Variants in NDST3 observed in about 807,000 individuals in gnomAD.
NDST3 encodes the protein N-deacetylase and N-sulfotransferase 3, also known as bifunctional heparan sulfate N-deacetylase/N-sulfotransferase 3.
NDST3 carries 58 observed loss-of-function variants against 96.1 expected under a neutral mutation model. The ratio of observed to expected loss-of-function variants is 0.60; its 90% CI spans 0.49 to 0.75. The LOEUF is 0.75. NDST3 is among the 30% of genes least tolerant of loss of function. NDST3 has a pLI of 0.00. For missense variants in NDST3, 788 were observed against 1,034.2 expected, an observed-to-expected ratio of 0.76 and a Z score of 3.27; for synonymous variants, 333 against 359.7, an observed-to-expected ratio of 0.93 and a Z score of 0.84.
rs370369153 is a variant in NDST3 at position 118,211,194 on chromosome 4, A to C, written c.1540-13297A>C. Among the ~76,000 whole-genome samples the C allele has an allele frequency of 4.4e-4, 67 of 152,324 alleles. 1 individual carries two copies. In the South Asian group the frequency reaches 0.013, roughly 30 times the overall value. ...CCAAAAGATTTAAACTACTAAATCAAGACTTAAAGCTACATGGCAACTTTC... is the reference window on the plus strand; with the variant it reads ...CCAAAAGATTTAAACTACTAAATCACGACTTAAAGCTACATGGCAACTTTC... On this transcript the variant is annotated intron_variant, in intron 6 of 13. Transcript: ENST00000296499.
At chr4:118,083,127 A>G (rs555542899) in intron 2 of NDST3, among the ~76,000 whole-genome samples, 54 of 152,284 alleles carry the variant, frequency 3.5e-4, no homozygotes, top group African/African-American at 1.2e-3. Context: ...AAGTACCATG[A>G]ATTATTTTAA....
Position 118,138,110 on chromosome 4 carries a change from C to G in NDST3, c.1281C>G (p.Val427=). The part of the protein sequence containing the change: ...GYAVAPHHSG[V]YPVHVQLYEA... ...CTGTGGCCCCTCACCATTCGGGCGT[C>G]TACCCTGTACATGTTCAGCTTTATG... Residue 427 remains valine, a synonymous_variant, in exon 5 of 14, where the codon GTC becomes GTG. Coordinates refer to ENST00000296499, the MANE Select transcript of NDST3 (RefSeq NM_004784.3). 6.2e-7 allele frequency: 1 copy of G among 1,613,574 alleles called. No homozygotes were observed.
Position 118,255,674 on chromosome 4 carries a change from C to T in NDST3, c.2584C>T (p.Pro862Ser). ...GCTGCACAAACTGGGTCAGCCTCTG[C>T]CATCCTGGCTGAGACAGGAGCTGCA... is the stretch of plus-strand genomic sequence containing the variant. ...KLLHKLGQPL[P>S]SWLRQELQKV... Residue 862 changes from proline (P) to serine (S), a missense_variant, in exon 14 of 14, where the codon CCA becomes TCA. Physicochemically the swap from Pro to Ser is moderately conservative, Grantham distance 74. Around this residue, in one of 3 missense-constraint regions of NDST3, gnomAD observed 64 missense variants for 68.5 expected, o/e 0.93. Coordinates refer to ENST00000296499, the MANE Select transcript of NDST3 (RefSeq NM_004784.3). The T allele has an allele frequency of 6.2e-7, 1 of 1,613,602 alleles. No individual in the cohort carries two copies. Among genetic ancestry groups the T allele is most frequent in the Non-Finnish European group, 8.5e-7 (1 of 1,179,704 alleles).
At chr4:118,091,635 C>A (rs561597475) in intron 2 of NDST3, among the ~76,000 whole-genome samples, 1 of 151,822 alleles carries the variant, frequency 6.6e-6, no homozygotes, top group African/African-American at 2.4e-5. Flanking sequence ...GGCCAAACCT[C>A]TCCTGCTTTC....
chr4:118,253,454 A>T, intron 12 of NDST3, 45 bp from the exon 13 acceptor site: 1 of 1,366,674 alleles, frequency 7.3e-7, no homozygotes, highest in Non-Finnish European at 1.0e-6. Flanking sequence ...AATTGGTTGA[A>T]AAATGATTTT....
rs775009190 is a variant in NDST3, at chr4:118,256,993, T to C, written c.*1281T>C. The stretch of plus-strand genomic sequence containing the variant: ...ATAGGTACAATTAAGGATTAGCTAC[T>C]AAATTAAATGCAGGAAGTACAAAGA... On this transcript the variant is annotated 3_prime_UTR_variant, in exon 14 of 14. Coordinates refer to ENST00000296499, the MANE Select transcript of NDST3 (RefSeq NM_004784.3). The C allele has an allele frequency of 1.3e-5, 2 of 152,214 alleles. No homozygotes were observed. The highest frequency in any genetic ancestry group is 2.4e-5 in the African/African-American group (1 of 41,472). 9.4% of individuals were successfully genotyped at this position (152,214 alleles called of 1,614,324 possible).
chr4:118,204,095 TCAAA>T (rs1235695989), intron 6 of NDST3, among the ~76,000 whole-genome samples: 6 of 152,132 alleles, frequency 3.9e-5, no homozygotes, highest in Non-Finnish European at 5.9e-5. Flanking sequence ...AGAAATTTGC[TCAAA>T]CAAACTCAGA....
At position 118,226,936 on chromosome 4, in the gene NDST3, T is replaced by C. The variant is rs759001229; in HGVS notation, c.1773T>C (p.Thr591=). 3.7e-6 allele frequency: 6 copies of C among 1,613,736 alleles called. No homozygotes were observed. In the East Asian group the frequency reaches 1.1e-4, roughly 30 times the overall value. The change falls in exon 8 of 14, where the codon ACT becomes ACC. Residue 591 remains threonine, a synonymous_variant. Coordinates refer to ENST00000296499, the MANE Select transcript of NDST3 (RefSeq NM_004784.3). Reference sequence around the variant, plus strand: ...GAGACATTTGGTCTAAAGAAAAAACTTGTGATCGCTTACCAAAATTCTTGG... The same window carrying C: ...GAGACATTTGGTCTAAAGAAAAAACCTGTGATCGCTTACCAAAATTCTTGG... ...RHRDIWSKEK[T]CDRLPKFLVI... is the part of the protein sequence containing the mutation.
At position 118,253,597 on chromosome 4, in the gene NDST3, CT is replaced by C; in HGVS notation, c.2499del (p.Asp834IlefsTer32). 1 of 1,601,282 alleles carries C rather than the reference CT, an allele frequency of 6.2e-7. No homozygotes were observed. The highest frequency in any genetic ancestry group is 8.5e-7 in the Non-Finnish European group (1 of 1,169,780). On this transcript the variant is annotated frameshift_variant, in exon 13 of 14. Coordinates refer to ENST00000296499, the MANE Select transcript of NDST3 (RefSeq NM_004784.3). LOFTEE classifies it high-confidence loss of function. ...SKGRKYPPMD[S>X]DSRTFLSSYY... ...GGAAGAAAATACCCTCCAATGGATT[CT>C]GATGTAAGCATAGACCTTAAAAATA... is the stretch of plus-strand genomic sequence containing the variant.
intron 2 of NDST3, among the ~76,000 whole-genome samples, chr4:118,084,694 T>A (rs550354489): frequency 6.6e-6 from 1 of 152,246 alleles, no homozygotes; most frequent in Non-Finnish European, 1.5e-5. Context: ...TGTGTTTTAC[T>A]TTTAGAGATA....
intron 2 of NDST3, among the ~76,000 whole-genome samples, chr4:118,084,347 T>C (rs553632728): frequency 6.6e-5 from 10 of 152,324 alleles, no homozygotes; most frequent in African/African-American, 2.4e-4. Context: ...TTATACATGA[T>C]AAAATTGATT....
At chr4:118,114,730 TTAAA>T in intron 3 of NDST3, 72 bp from the exon 4 acceptor site, 1 of 1,463,288 alleles carries the variant, frequency 6.8e-7, no homozygotes, top group Middle Eastern at 1.8e-4. Context: ...CGAGAAAAGA[TTAAA>T]TAGATAAGTA....
rs1007008328 is a variant in NDST3, at chr4:118,212,295, T to TG, written c.1540-12191dup. The stretch of plus-strand genomic sequence containing the variant: ...TCATGCCTGTAATCCCATCACTTAG[T>TG]GGGGGCAAGGTGGGCAGAGAGCTTG... On this transcript the variant is annotated intron_variant, in intron 6 of 13. Transcript: ENST00000296499. Among the ~76,000 whole-genome samples, 9 of 152,254 alleles carry TG rather than the reference T, an allele frequency of 5.9e-5. No individual in the cohort carries two copies. In the South Asian group the frequency reaches 1.2e-3, roughly 21 times the overall value.
At chr4:118,229,529 A>G (rs1045802921) in intron 8 of NDST3, among the ~76,000 whole-genome samples, 5 of 152,220 alleles carry the variant, frequency 3.3e-5, no homozygotes, top group Non-Finnish European at 7.3e-5. Flanking sequence ...TTCAGAAACC[A>G]CAACTTAACA....
At chr4:118,231,329 C>A (rs1193530762) in intron 8 of NDST3, among the ~76,000 whole-genome samples, 1 of 106,722 alleles carries the variant, frequency 9.4e-6, no homozygotes, top group African/African-American at 2.7e-5. Context: ...GAGCAAGACT[C>A]CATCTAAAAA....
chr4:118,176,003 C>T (rs949932669), intron 6 of NDST3, among the ~76,000 whole-genome samples: 16 of 152,160 alleles, frequency 1.1e-4, no homozygotes, highest in African/African-American at 3.9e-4. Flanking sequence ...ACATTCTTAC[C>T]TCCAAAGTGG....
At chr4:118,131,873 T>C (rs988185239) in intron 4 of NDST3, among the ~76,000 whole-genome samples, 4 of 152,038 alleles carry the variant, frequency 2.6e-5, no homozygotes, top group Non-Finnish European at 5.9e-5. Context: ...TAGGCAGAGA[T>C]TCTTGTTCAT....
At chr4:118,127,516 G>T (rs1732211005) in intron 4 of NDST3, among the ~76,000 whole-genome samples, 2 of 151,812 alleles carry the variant, frequency 1.3e-5, no homozygotes, top group Non-Finnish European at 2.9e-5. Context: ...GTATTAATTT[G>T]TTGCTGGGTT....
chr4:118,226,283 T>C (rs906918674), intron 7 of NDST3, among the ~76,000 whole-genome samples: 1 of 152,128 alleles, frequency 6.6e-6, no homozygotes, highest in Non-Finnish European at 1.5e-5. Context: ...AAAAGCAGAA[T>C]CCCTAAGGTA....
Sources: gnomAD v4.1 joint callset for allele counts (sites outside exome capture counted in the v4.1 genomes callset) on GRCh38, gnomAD v4.1.1 for gene constraint, gnomAD v4.1.1 regional missense constraint, MANE v1.5 for transcripts, NCBI Gene and HGNC (gene_info 2026-07-23, HGNC 2026-07-21) for gene names.